KCNH7: variants seen among roughly 807,000 people sequenced by gnomAD.
KCNH7 encodes potassium voltage-gated channel subfamily H member 7.
A neutral mutation model predicts 120.8 loss-of-function variants in KCNH7; 49 were observed. That is an observed-to-expected ratio of 0.41 (90% CI 0.32 to 0.51). The LOEUF is 0.51. Ranked by LOEUF, KCNH7 falls within the 20% of genes least tolerant of loss-of-function variation. The pLI, the probability that KCNH7 is intolerant of heterozygous loss-of-function variation, is 0.38. For missense variants in KCNH7, 1,097 were observed against 1,446.6 expected (o/e 0.76, Z 3.92); for synonymous variants, 547 against 516.1 (o/e 1.06, Z -0.81).
At chr2:162,485,651 GGAGA>G (rs971461821) in intron 6 of KCNH7, among the ~76,000 whole-genome samples, 2 of 152,120 alleles carry the variant, frequency 1.3e-5, no homozygotes, top group Non-Finnish European at 2.9e-5. Flanking sequence ...AAAAAGAGAG[GGAGA>G]GAGAATGTAT....
chr2:162,729,774 G>A (rs1349144986), intron 2 of KCNH7, among the ~76,000 whole-genome samples: 3 of 152,090 alleles, frequency 2.0e-5, no homozygotes, highest in Non-Finnish European at 2.9e-5. Flanking sequence ...ATTTTAAGGT[G>A]TCCTAAAGTT....
chr2:162,735,721 C>G (rs1365453603), intron 2 of KCNH7, among the ~76,000 whole-genome samples: 1 of 152,174 alleles, frequency 6.6e-6, no homozygotes, highest in Non-Finnish European at 1.5e-5. Flanking sequence ...GCCTAATCTC[C>G]AAATTCTTAG....
intron 2 of KCNH7, among the ~76,000 whole-genome samples, chr2:162,609,300 CTTT>C (rs1682882351): frequency 1.3e-5 from 2 of 152,260 alleles, no homozygotes; most frequent in South Asian, 4.1e-4. Flanking sequence ...TATTATTTAA[CTTT>C]TCTTGCATGG....
intron 6 of KCNH7, among the ~76,000 whole-genome samples, chr2:162,469,005 C>T (rs1298079603): frequency 6.6e-6 from 1 of 152,128 alleles, no homozygotes; most frequent in East Asian, 1.9e-4. Flanking sequence ...TGCATACCAC[C>T]ACATCTGCCT....
intron 2 of KCNH7, among the ~76,000 whole-genome samples, chr2:162,735,086 GAT>G (rs1412269765): frequency 6.6e-6 from 1 of 152,148 alleles, no homozygotes; most frequent in Non-Finnish European, 1.5e-5. Context: ...CAATGGCTAT[GAT>G]CTGTCTAGAC....
At chr2:162,747,864 C>T (rs1362477410) in intron 2 of KCNH7, among the ~76,000 whole-genome samples, 1 of 152,132 alleles carries the variant, frequency 6.6e-6, no homozygotes, top group East Asian at 1.9e-4. Context: ...GTACTTTCTA[C>T]AGTGGTCCAG....
At chr2:162,701,663 T>C (rs1686503317) in intron 2 of KCNH7, among the ~76,000 whole-genome samples, 1 of 152,114 alleles carries the variant, frequency 6.6e-6, no homozygotes, top group Non-Finnish European at 1.5e-5. Flanking sequence ...CAGTTTAAAA[T>C]GAGGCTTAAG....
At position 162,446,451 on chromosome 2, in the gene KCNH7, TGCAAA is replaced by T. The variant is rs1688580661; in HGVS notation, c.1129-13_1129-9del. 6.3e-7 allele frequency: 1 copy of T among 1,590,636 alleles called. No individual in the cohort carries two copies. Among genetic ancestry groups the T allele is most frequent in the Non-Finnish European group, 8.6e-7 (1 of 1,167,768 alleles). On this transcript the variant is annotated splice_polypyrimidine_tract_variant and intron_variant, in intron 6 of 15. Coordinates refer to ENST00000332142, the MANE Select transcript of KCNH7 (RefSeq NM_033272.4). ...TGCTCCTAAAGAGAGAACCTGAATG[TGCAAA>T]AGAAAATCATACACTACATAAATAT...
At chr2:162,513,151 TCCTCCCTCCCTCCCTCCCTTCTTTCCCTC>T (rs1691136456) in intron 4 of KCNH7, among the ~76,000 whole-genome samples, 3 of 123,804 alleles carry the variant, frequency 2.4e-5, no homozygotes, top group Non-Finnish European at 5.2e-5. Context: ...GTTCCTTCCT[TCCTCCCTCCCTCCCTCCCTTCTTTCCCTC>T]CCTCCCTCCC....
intron 6 of KCNH7, among the ~76,000 whole-genome samples, chr2:162,458,097 C>CTG (rs1689027971): frequency 2.2e-5 from 3 of 135,120 alleles, no homozygotes; most frequent in Admixed American, 7.5e-5. Context: ...AGATATTTGG[C>CTG]TATGTGCGTG....
At chr2:162,737,024 T>C (rs1188429256) in intron 2 of KCNH7, among the ~76,000 whole-genome samples, 1 of 151,958 alleles carries the variant, frequency 6.6e-6, no homozygotes, top group Admixed American at 6.6e-5. Context: ...AATAACACAC[T>C]CCAAACTCTA....
chr2:162,721,735 C>T (rs1687330224), intron 2 of KCNH7, among the ~76,000 whole-genome samples: 1 of 151,770 alleles, frequency 6.6e-6, no homozygotes, highest in South Asian at 2.1e-4. Flanking sequence ...ATTTTGAAGG[C>T]CTGAGGTCTC....
At chr2:162,809,264 T>C (rs1684650082) in intron 2 of KCNH7, among the ~76,000 whole-genome samples, 1 of 152,202 alleles carries the variant, frequency 6.6e-6, no homozygotes, top group Non-Finnish European at 1.5e-5. Context: ...TGAGGGAATC[T>C]GAATAAAAAC....
chr2:162,540,995 A>G (rs1692284468), intron 2 of KCNH7, among the ~76,000 whole-genome samples: 1 of 152,064 alleles, frequency 6.6e-6, no homozygotes, highest in African/African-American at 2.4e-5. Context: ...TGGATGGGAC[A>G]TAAGATAATG....
intron 3 of KCNH7, among the ~76,000 whole-genome samples, chr2:162,529,688 A>G (rs979619633): frequency 1.3e-5 from 2 of 151,920 alleles, no homozygotes; most frequent in Admixed American, 6.6e-5. Flanking sequence ...CATATATTCT[A>G]CATCATCAAG....
At chr2:162,735,422 A>G (rs893550162) in intron 2 of KCNH7, among the ~76,000 whole-genome samples, 3 of 152,184 alleles carry the variant, frequency 2.0e-5, no homozygotes, top group African/African-American at 4.8e-5. Flanking sequence ...TTGCTTTCCT[A>G]TAAGTTGCTT....
chr2:162,654,638 A>T (rs1197767931), intron 2 of KCNH7, among the ~76,000 whole-genome samples: 2 of 152,096 alleles, frequency 1.3e-5, no homozygotes, highest in Admixed American at 6.6e-5. Context: ...TAGCAATTTC[A>T]CTCCTATATA....
intron 2 of KCNH7, among the ~76,000 whole-genome samples, chr2:162,787,400 C>G (rs569783712): frequency 7.9e-5 from 12 of 152,096 alleles, no homozygotes; most frequent in Non-Finnish European, 1.8e-4. Context: ...GCTCCAGGCT[C>G]TAGGCTGGCT....
intron 2 of KCNH7, among the ~76,000 whole-genome samples, chr2:162,793,089 A>G (rs993819020): frequency 1.3e-5 from 2 of 151,966 alleles, no homozygotes; most frequent in East Asian, 3.9e-4. Flanking sequence ...AATGTGGTAC[A>G]TATACACCAT....
Sources: allele counts gnomAD v4.1 joint callset (sites outside exome capture counted in the v4.1 genomes callset), GRCh38; gene constraint gnomAD v4.1.1; transcripts MANE v1.5; gene names NCBI Gene and HGNC (gene_info 2026-07-23, HGNC 2026-07-21).